Variants in TBL1XR1 observed in about 807,000 individuals in gnomAD.
TBL1XR1 encodes the protein TBL1X/Y related 1, also known as F-box-like/WD repeat-containing protein TBL1XR1.
In TBL1XR1, 5 loss-of-function variants were observed where a neutral mutation model predicts 66.9. That is an observed-to-expected ratio of 0.07 (90% CI 0.04 to 0.16). The LOEUF is 0.16. Among genes scored for constraint, TBL1XR1 ranks in the 10% least tolerant of loss-of-function variants. TBL1XR1 has a pLI of 1.00. For missense variants in TBL1XR1, 238 were observed against 623.2 expected (o/e 0.38, Z 6.58); for synonymous variants, 210 against 206.0 (o/e 1.02, Z -0.17).
At chr3:177,159,255 AAAG>A (rs1033306216) in intron 1 of TBL1XR1, among the ~76,000 whole-genome samples, 1 of 152,148 alleles carries the variant, frequency 6.6e-6, no homozygotes, top group African/African-American at 2.4e-5. Flanking sequence ...TCCAATACTG[AAAG>A]AAGTAGCTAC....
chr3:177,083,524 A>T (rs1388783649), intron 2 of TBL1XR1, among the ~76,000 whole-genome samples: 3 of 152,174 alleles, frequency 2.0e-5, no homozygotes, highest in African/African-American at 2.4e-5. Context: ...TGAATGCCAT[A>T]AAAAAACAAC....
At chr3:177,187,943 C>CTTTTTTTTT (rs571361204) in intron 1 of TBL1XR1, among the ~76,000 whole-genome samples, 3 of 77,836 alleles carry the variant, frequency 3.9e-5, no homozygotes, top group African/African-American at 1.3e-4. Context: ...GTACAATTTC[C>CTTTTTTTTT]TTTTTTTTTT....
chr3:177,042,086 G>A (rs1487390034), intron 10 of TBL1XR1, among the ~76,000 whole-genome samples: 7 of 151,998 alleles, frequency 4.6e-5, no homozygotes, highest in Non-Finnish European at 1.0e-4. Flanking sequence ...TTTACACGTC[G>A]TTTTCCTCCA....
intron 1 of TBL1XR1, among the ~76,000 whole-genome samples, chr3:177,121,309 C>T (rs1726945110): frequency 6.6e-6 from 1 of 152,200 alleles, no homozygotes; most frequent in African/African-American, 2.4e-5. Context: ...ATGCAGATAA[C>T]TGTTGAAGCT....
chr3:177,059,594 A>G (rs1232507906), intron 3 of TBL1XR1, among the ~76,000 whole-genome samples: 1 of 152,132 alleles, frequency 6.6e-6, no homozygotes, highest in Non-Finnish European at 1.5e-5. Flanking sequence ...CCATTGAAAA[A>G]GTTAGGGGGA....
rs1391501205 is a variant in TBL1XR1 at position 177,021,329 on chromosome 3, C to T, written c.*4169G>A. The T allele has an allele frequency of 6.6e-6, 1 of 150,740 alleles. No individual in the cohort carries two copies. Among genetic ancestry groups the T allele is most frequent in the Non-Finnish European group, 1.5e-5 (1 of 67,740 alleles). 9.3% of individuals were successfully genotyped at this position (150,740 alleles called of 1,614,324 possible). A position where few individuals can be genotyped will look rare whatever the true frequency, so the allele number is the denominator to read the frequency against. On this transcript the variant is annotated 3_prime_UTR_variant, in exon 16 of 16. Transcript: ENST00000457928. ...ACAACATGCAGAATGTTTTCCTGAA[C>T]TTATCCGGAAATTCCAAAGAAAACA...
At chr3:177,042,333 C>T (rs1422259980) in intron 10 of TBL1XR1, among the ~76,000 whole-genome samples, 2 of 152,002 alleles carry the variant, frequency 1.3e-5, no homozygotes, top group East Asian at 3.9e-4. Flanking sequence ...TCAGGATGTT[C>T]CAGAGGTGTT....
intron 12 of TBL1XR1, chr3:177,037,267 T>C (rs1714930990): frequency 6.7e-6 from 1 of 149,818 alleles, no homozygotes. Flanking sequence ...GCAAATAAAC[T>C]TTAATTGCAA....
chr3:177,198,476 G>C (rs1205196035), upstream of TBL1XR1, among the ~76,000 whole-genome samples: 1 of 152,208 alleles, frequency 6.6e-6, no homozygotes, highest in African/African-American at 2.4e-5. Flanking sequence ...GCACAGCAAG[G>C]CGGTTTATAA....
intron 1 of TBL1XR1, among the ~76,000 whole-genome samples, chr3:177,186,499 CAT>C (rs886545281): frequency 6.6e-6 from 1 of 152,150 alleles, no homozygotes; most frequent in Non-Finnish European, 1.5e-5. Flanking sequence ...GAGTTAATGA[CAT>C]ATGATAGCCA....
At chr3:177,027,499 G>A (rs998005787) in intron 14 of TBL1XR1, 1 of 152,204 alleles carries the variant, frequency 6.6e-6, no homozygotes, top group African/African-American at 2.4e-5. Flanking sequence ...ACAAAGATCA[G>A]AGGTCCTGTT....
intron 2 of TBL1XR1, among the ~76,000 whole-genome samples, chr3:177,068,434 G>A (rs984890918): frequency 2.0e-5 from 3 of 152,160 alleles, no homozygotes; most frequent in South Asian, 2.1e-4. Context: ...TCAAAAGTTC[G>A]CTTAATATTG....
chr3:177,034,410 ATG>A (rs1560100212), intron 12 of TBL1XR1, 85 bp from the exon 13 acceptor site: 7 of 1,014,554 alleles, frequency 6.9e-6, no homozygotes, highest in Non-Finnish European at 9.5e-6. Flanking sequence ...AAAATATTAT[ATG>A]GACAGTCTAA....
upstream of TBL1XR1, among the ~76,000 whole-genome samples, chr3:177,199,898 C>A (rs2109035677): frequency 6.6e-6 from 1 of 152,208 alleles, no homozygotes; most frequent in South Asian, 2.1e-4. Context: ...TGGGGACTTA[C>A]AAATCCGTTG....
chr3:177,098,779 A>C (rs1297832734), intron 1 of TBL1XR1, among the ~76,000 whole-genome samples: 1 of 152,200 alleles, frequency 6.6e-6, no homozygotes, highest in Non-Finnish European at 1.5e-5. Flanking sequence ...AGACTCAAAG[A>C]GATTCATCTG....
intron 2 of TBL1XR1, among the ~76,000 whole-genome samples, chr3:177,093,090 T>C (rs56820265): frequency 0.018 from 2,733 of 152,282 alleles, 83 homozygotes; most frequent in African/African-American, 0.063. Flanking sequence ...AAAAAGTTCC[T>C]AGAAGTGATA....
At chr3:177,104,971 T>C (rs183653330) in intron 1 of TBL1XR1, among the ~76,000 whole-genome samples, 97 of 152,222 alleles carry the variant, frequency 6.4e-4, no homozygotes, top group Non-Finnish European at 1.1e-3. Flanking sequence ...AAATTAAAGG[T>C]TGGTTTGAAC....
chr3:177,033,845 C>G (rs567213219), intron 13 of TBL1XR1, among the ~76,000 whole-genome samples: 3 of 152,150 alleles, frequency 2.0e-5, no homozygotes, highest in African/African-American at 7.2e-5. Context: ...AACCAAATAT[C>G]ATGTTCTGAC....
intron 1 of TBL1XR1, among the ~76,000 whole-genome samples, chr3:177,143,480 A>G (rs1577298655): frequency 6.6e-6 from 1 of 152,360 alleles, no homozygotes; most frequent in South Asian, 2.1e-4. Flanking sequence ...AGTTTTTTAC[A>G]GTACGTGAAG....
Sources: allele counts gnomAD v4.1 joint callset (sites outside exome capture counted in the v4.1 genomes callset), GRCh38; gene constraint gnomAD v4.1.1; transcripts MANE v1.5; gene names NCBI Gene and HGNC (gene_info 2026-07-23, HGNC 2026-07-21).